Variants in TAFA1 observed in about 807,000 individuals in gnomAD.
The protein encoded by TAFA1 is chemokine-like protein TAFA-1.
Under a neutral mutation model 18.5 loss-of-function variants are expected in TAFA1, and 4 were observed. The observed-to-expected ratio is 0.22, with a 90% CI of 0.11 to 0.49. The LOEUF (loss-of-function observed/expected upper bound fraction) is 0.49, where lower values mean the gene tolerates loss of function less well. TAFA1 is among the 20% of genes least tolerant of loss of function. The probability of loss-of-function intolerance (pLI) is 0.98; values close to 1 mark genes in which losing one functional copy is unlikely to be tolerated. For synonymous variants in TAFA1, 56 were observed against 55.2 expected (o/e 1.01, Z -0.06); for missense variants, 147 against 169.0 (o/e 0.87, Z 0.72).
chr3:68,488,070 A>G (rs914847763), intron 3 of TAFA1, among the ~76,000 whole-genome samples: 1 of 152,184 alleles, frequency 6.6e-6, no homozygotes, highest in African/African-American at 2.4e-5. Context: ...ATGCGTATGT[A>G]TTAGCCAGGG....
intron 3 of TAFA1, among the ~76,000 whole-genome samples, chr3:68,504,495 C>A (rs1011562263): frequency 1.3e-5 from 2 of 152,156 alleles, no homozygotes; most frequent in African/African-American, 4.8e-5. Flanking sequence ...CATTGTCTGC[C>A]ACTGGAGCTT....
intron 2 of TAFA1, among the ~76,000 whole-genome samples, chr3:68,040,181 T>C (rs1201517697): frequency 6.6e-6 from 1 of 152,214 alleles, no homozygotes; most frequent in African/African-American, 2.4e-5. Context: ...CTTTTAACAT[T>C]TGTAACTGGA....
At chr3:68,478,389 G>C (rs568997878) in intron 3 of TAFA1, among the ~76,000 whole-genome samples, 2 of 152,202 alleles carry the variant, frequency 1.3e-5, no homozygotes, top group Admixed American at 6.5e-5. Context: ...ACATCTAACA[G>C]CATCTATGAC....
intron 2 of TAFA1, among the ~76,000 whole-genome samples, chr3:68,364,820 C>A (rs915680217): frequency 8.5e-5 from 13 of 152,096 alleles, no homozygotes; most frequent in African/African-American, 3.1e-4. Flanking sequence ...TTTCCAACAA[C>A]CCTATGATAT....
chr3:68,277,089 A>G (rs939011248), intron 2 of TAFA1, among the ~76,000 whole-genome samples: 5 of 152,154 alleles, frequency 3.3e-5, no homozygotes, highest in African/African-American at 1.2e-4. Context: ...GGCTGGAAAT[A>G]CATGAGAACA....
chr3:68,401,916 C>T (rs978185061), intron 2 of TAFA1, among the ~76,000 whole-genome samples: 7 of 152,162 alleles, frequency 4.6e-5, no homozygotes, highest in African/African-American at 1.7e-4. Context: ...GCAGAAAGAA[C>T]AGGTGTCTGC....
chr3:68,149,350 A>G (rs1166858407), intron 2 of TAFA1, among the ~76,000 whole-genome samples: 1 of 152,212 alleles, frequency 6.6e-6, no homozygotes, highest in African/African-American at 2.4e-5. Context: ...GGTCTATCTT[A>G]GTCTATTTTG....
intron 2 of TAFA1, among the ~76,000 whole-genome samples, chr3:68,222,197 A>G (rs2066739681): frequency 6.6e-6 from 1 of 151,764 alleles, no homozygotes; most frequent in Non-Finnish European, 1.5e-5. Flanking sequence ...AAGCCTAAAA[A>G]CAGTTGATGT....
intron 3 of TAFA1, among the ~76,000 whole-genome samples, chr3:68,495,609 G>A (rs979181034): frequency 5.3e-5 from 8 of 152,046 alleles, no homozygotes; most frequent in African/African-American, 1.9e-4. Flanking sequence ...AAGATGCGTG[G>A]ATCAAGTTGT....
intron 3 of TAFA1, among the ~76,000 whole-genome samples, chr3:68,533,030 G>GT (rs2073213170): frequency 6.6e-6 from 1 of 151,258 alleles, no homozygotes; most frequent in Non-Finnish European, 1.5e-5. Context: ...TCCAAAGAGG[G>GT]TTTCGAGGGC....
At chr3:68,041,922 C>A (rs779965138) in intron 2 of TAFA1, among the ~76,000 whole-genome samples, 3 of 152,072 alleles carry the variant, frequency 2.0e-5, no homozygotes, top group Non-Finnish European at 4.4e-5. Flanking sequence ...AAATCATGGA[C>A]CTGGAGTAGA....
intron 2 of TAFA1, among the ~76,000 whole-genome samples, chr3:68,019,787 G>A (rs974940724): frequency 6.6e-6 from 1 of 151,528 alleles, no homozygotes; most frequent in African/African-American, 2.4e-5. Context: ...CAACAACAAC[G>A]AAAACAACAC....
In TAFA1 at chr3:68,175,961, A is replaced by G. The variant is rs529171090; in HGVS notation, c.118+169217A>G. Among the ~76,000 whole-genome samples the G allele has an allele frequency of 2.0e-5, 3 of 152,212 alleles. No individual in the cohort carries two copies. In the South Asian group the frequency reaches 6.2e-4, roughly 32 times the overall value. ...TCCCATGTTTTTCTTGTGATAGTGA[A>G]TATGTCTCACAAGACCTGGTGATTT... On this transcript the variant is annotated intron_variant, in intron 2 of 4. Transcript: ENST00000478136.
chr3:68,183,622 A>T (rs2066233432), intron 2 of TAFA1, among the ~76,000 whole-genome samples: 1 of 152,278 alleles, frequency 6.6e-6, no homozygotes, highest in Non-Finnish European at 1.5e-5. Context: ...TTCACAGCTT[A>T]TGCAGTCTAA....
At chr3:68,120,265 T>TTTCTTTCTTTC (rs1559527733) in intron 2 of TAFA1, among the ~76,000 whole-genome samples, 6 of 135,422 alleles carry the variant, frequency 4.4e-5, no homozygotes, top group African/African-American at 1.7e-4. Flanking sequence ...TTCTTTCTTT[T>TTTCTTTCTTTC]TTGAGACAGA....
intron 2 of TAFA1, among the ~76,000 whole-genome samples, chr3:68,014,706 TA>T (rs1167105459): frequency 6.6e-6 from 1 of 152,190 alleles, no homozygotes; most frequent in Non-Finnish European, 1.5e-5. Flanking sequence ...TACCTTTTCT[TA>T]TGTAAAAAAG....
chr3:68,450,068 A>G (rs547106647), intron 3 of TAFA1, among the ~76,000 whole-genome samples: 33 of 152,298 alleles, frequency 2.2e-4, no homozygotes, highest in Non-Finnish European at 3.8e-4. Flanking sequence ...GATTGCCATG[A>G]TCCACACAAG....
chr3:68,305,689 T>C (rs2068405610), intron 2 of TAFA1, among the ~76,000 whole-genome samples: 1 of 151,746 alleles, frequency 6.6e-6, no homozygotes, highest in Non-Finnish European at 1.5e-5. Context: ...GAAAGTGCCT[T>C]ATACCTCTAG....
intron 2 of TAFA1, among the ~76,000 whole-genome samples, chr3:68,376,094 C>A (rs1191201613): frequency 2.0e-5 from 3 of 152,110 alleles, no homozygotes; most frequent in South Asian, 2.1e-4. Context: ...AGGGTCTGCA[C>A]AACTGATCAG....
Sources: gnomAD v4.1 joint callset for allele counts (sites outside exome capture counted in the v4.1 genomes callset) on GRCh38, gnomAD v4.1.1 for gene constraint, MANE v1.5 for transcripts, NCBI Gene and HGNC (gene_info 2026-07-23, HGNC 2026-07-21) for gene names.